FRMD3: variants seen among roughly 807,000 people sequenced by gnomAD.
FRMD3 encodes FERM domain containing 3.
FRMD3 carries 33 observed loss-of-function variants against 70.2 expected under a neutral mutation model. The observed-to-expected ratio is 0.47, with a 90% confidence interval of 0.36 to 0.63. The LOEUF (loss-of-function observed/expected upper bound fraction) is 0.63. Among genes scored for constraint, FRMD3 ranks in the 20% least tolerant of loss-of-function variants. The pLI is 0.00. For synonymous variants in FRMD3, 279 were observed against 255.9 expected, an observed-to-expected ratio of 1.09 and a Z score of -0.86; for missense variants, 632 against 711.4, an observed-to-expected ratio of 0.89 and a Z score of 1.27.
rs1341732375 is a variant in FRMD3 at position 83,441,987 on chromosome 9, T to C, written c.148-52279A>G. Among the ~76,000 whole-genome samples the C allele has an allele frequency of 3.3e-5, 5 of 152,326 alleles. No individual in the cohort carries two copies. In the East Asian group the frequency reaches 5.8e-4, roughly 18 times the overall value. On this transcript the variant is annotated intron_variant, in intron 1 of 13. Transcript: ENST00000304195. ...TAAATATAATCTGTTTCCTTTGGCA[T>C]TGACCTAGTACAGCATAAAGAACGT...
At position 83,479,725 on chromosome 9, in the gene FRMD3, GAAAGGGAAAGAAAGAAAAAGAA is replaced by G. The variant is rs1222132362; in HGVS notation, c.147+58338_147+58359del. 5.0e-5 allele frequency among the ~76,000 whole-genome samples: 2 copies of G among 39,672 alleles called. 1 individual carries two copies. Among genetic ancestry groups the G allele is most frequent in the African/African-American group, 2.8e-4 (2 of 7,128 alleles). 26.0% of individuals were successfully genotyped at this position (39,672 alleles called of 152,430 possible). A position where few individuals can be genotyped will look rare whatever the true frequency, so the allele number is the denominator to read the frequency against. On this transcript the variant is annotated intron_variant, in intron 1 of 13. Transcript: ENST00000304195. The stretch of plus-strand genomic sequence containing the variant: ...GAAAGAAAGAAAGAAAGAAAGAAAA[GAAAGGGAAAGAAAGAAAAAGAA>G]AAGAGAAGAAGAAGGGAGGGAGGGA...
intron 1 of FRMD3, among the ~76,000 whole-genome samples, chr9:83,407,578 A>G (rs1826139702): frequency 6.6e-6 from 1 of 152,224 alleles, no homozygotes; most frequent in South Asian, 2.1e-4. Context: ...TTTTGTTTTC[A>G]TATGTCTAAA....
rs530977451 is a variant in FRMD3 at position 83,431,428 on chromosome 9, T to A, written c.148-41720A>T. Among the ~76,000 whole-genome samples, 6 of 152,364 alleles carry A rather than the reference T, an allele frequency of 3.9e-5. No individual in the cohort carries two copies. The East Asian group carries it at 1.2e-3, about 29-fold the overall frequency. ...TTTTCTTAAAAATGCTAGGACAAACTGAATTAAAATCTAAAATTTTTAATT... is the reference window on the plus strand; with the variant it reads ...TTTTCTTAAAAATGCTAGGACAAACAGAATTAAAATCTAAAATTTTTAATT... On this transcript the variant is annotated intron_variant, in intron 1 of 13. Transcript: ENST00000304195.
chr9:83,520,872 C>T (rs192159435), intron 1 of FRMD3, among the ~76,000 whole-genome samples: 59 of 151,650 alleles, frequency 3.9e-4, no homozygotes, highest in African/African-American at 1.4e-3. Flanking sequence ...CGCCTGTAAT[C>T]CCAAGACTTT....
Position 83,357,246 on chromosome 9 carries a change from C to CATGGA in FRMD3, c.296-7490_296-7489insTCCAT, listed in dbSNP as rs1564032598. The stretch of plus-strand genomic sequence containing the variant: ...ATATTTTATATATATATAATACATA[C>CATGGA]ATATATATATATATATATATATATA... On this transcript the variant is annotated intron_variant, in intron 3 of 13. Transcript: ENST00000304195. Among the ~76,000 whole-genome samples the CATGGA allele has an allele frequency of 6.3e-4, 4 of 6,314 alleles. 1 individual carries two copies. Among genetic ancestry groups the CATGGA allele is most frequent in the African/African-American group, 4.3e-3 (4 of 920 alleles). The allele number at this position is 6,314 out of a possible 152,430, so 4.1% of individuals were successfully genotyped here.
At chr9:83,345,667 G>T (rs923447220) in intron 4 of FRMD3, among the ~76,000 whole-genome samples, 4 of 152,090 alleles carry the variant, frequency 2.6e-5, no homozygotes, top group Non-Finnish European at 4.4e-5. Context: ...TGAGGCAGGA[G>T]AATCACTTGA....
At chr9:83,291,513 C>A (rs745791570) in intron 12 of FRMD3, among the ~76,000 whole-genome samples, 2 of 152,144 alleles carry the variant, frequency 1.3e-5, no homozygotes, top group African/African-American at 4.8e-5. Flanking sequence ...AAAAAGGAGT[C>A]AAATGTTTCC....
chr9:83,335,394 A>T, intron 6 of FRMD3, 122 bp downstream of exon 6: 1 of 1,047,634 alleles, frequency 9.5e-7, no homozygotes, highest in Non-Finnish European at 1.4e-6. Context: ...TTGCGCTGCC[A>T]CGCAAAACAG....
chr9:83,314,755 A>T (rs968396227), intron 6 of FRMD3, among the ~76,000 whole-genome samples: 1 of 152,140 alleles, frequency 6.6e-6, no homozygotes, highest in Non-Finnish European at 1.5e-5. Context: ...TGATCCGCAC[A>T]GTGTAGATCC....
chr9:83,538,806 C>T (rs1034300348), upstream of FRMD3, among the ~76,000 whole-genome samples: 1 of 150,386 alleles, frequency 6.6e-6, no homozygotes, highest in South Asian at 2.1e-4. This position sits in a 1 kb window ranked among gnomAD's most constrained non-coding sequence, Gnocchi z 4.7. Flanking sequence ...AGGGACCTGG[C>T]GCGGGTAGGG....
intron 1 of FRMD3, among the ~76,000 whole-genome samples, chr9:83,447,561 G>A (rs1827517378): frequency 6.7e-6 from 1 of 150,164 alleles, no homozygotes; most frequent in Non-Finnish European, 1.5e-5. Flanking sequence ...TGTCATGGGG[G>A]CAGTGAGGGG....
chr9:83,287,511 C>A (rs1834266710), intron 13 of FRMD3, among the ~76,000 whole-genome samples: 1 of 152,178 alleles, frequency 6.6e-6, no homozygotes. Flanking sequence ...TGCCTCCTAG[C>A]TGCTCTCAGG....
At chr9:83,290,338 G>A (rs1535752) in intron 13 of FRMD3, among the ~76,000 whole-genome samples, 83,337 of 152,008 alleles carry the variant, frequency 0.55, 24,400 homozygotes, top group South Asian at 0.78. Context: ...GTACTGGACT[G>A]GTGTAGGTCT....
At chr9:83,565,345 G>A in the FRMD3 span, among the ~76,000 whole-genome samples, 47 of 152,302 alleles carry the variant, frequency 3.1e-4, 1 homozygote, top group South Asian at 9.7e-3. Flanking sequence ...TGATGTGGAT[G>A]CCACTTTGGT....
In FRMD3 at chr9:83,537,969, T is replaced by C; in HGVS notation, c.147+116A>G. ...CCTGAGGAATCGAAATCTGGCTTTC[T>C]AGCAGTCCCCCAATCCCCTCCGGGA... On this transcript the variant is annotated intron_variant, in intron 1 of 13. Transcript: ENST00000304195. This position sits in a 1 kb window ranked among gnomAD's most constrained non-coding sequence, Gnocchi z 4.1. The C allele has an allele frequency of 1.7e-6, 2 of 1,195,590 alleles. No individual in the cohort carries two copies. The highest frequency in any genetic ancestry group is 1.2e-6 in the Non-Finnish European group (1 of 855,646). The allele number at this position is 1,195,590 out of a possible 1,614,324, so 74.1% of individuals were successfully genotyped here. A position where few individuals can be genotyped will look rare whatever the true frequency, so the allele number is the denominator to read the frequency against.
chr9:83,305,021 A>G (rs79352356), intron 10 of FRMD3, among the ~76,000 whole-genome samples: 38 of 152,312 alleles, frequency 2.5e-4, no homozygotes, highest in African/African-American at 8.9e-4. Flanking sequence ...CTAAAAGCAC[A>G]CTGGGGAATT....
At chr9:83,448,682 A>T (rs776382209) in intron 1 of FRMD3, among the ~76,000 whole-genome samples, 3 of 152,172 alleles carry the variant, frequency 2.0e-5, no homozygotes, top group Non-Finnish European at 4.4e-5. Flanking sequence ...GCGGGAAAAA[A>T]AAATGCTTGA....
At chr9:83,276,805 G>T (rs1833807831) in intron 13 of FRMD3, among the ~76,000 whole-genome samples, 1 of 152,190 alleles carries the variant, frequency 6.6e-6, no homozygotes, top group African/African-American at 2.4e-5. Context: ...CACCTCCCAG[G>T]TTCAAGCGAT....
intron 1 of FRMD3, among the ~76,000 whole-genome samples, chr9:83,423,812 T>C (rs1462706728): frequency 6.6e-6 from 1 of 151,916 alleles, no homozygotes; most frequent in Non-Finnish European, 1.5e-5. Flanking sequence ...GCCAGGCTGG[T>C]CTCAAACTCC....
Sources: allele counts gnomAD v4.1 joint callset (sites outside exome capture counted in the v4.1 genomes callset), GRCh38; gene constraint gnomAD v4.1.1; non-coding constraint Gnocchi (gnomAD v3.1); transcripts MANE v1.5; gene names NCBI Gene and HGNC (gene_info 2026-07-23, HGNC 2026-07-21).